The following UBE3C variants were observed in gnomAD, a reference collection of about 807,000 sequenced individuals.
UBE3C encodes the protein ubiquitin protein ligase E3C, also known as ubiquitin-protein ligase E3C.
In UBE3C, 42 loss-of-function variants were observed where a neutral mutation model predicts 129.4. That is an observed-to-expected ratio of 0.32 (90% CI 0.25 to 0.42). The LOEUF is 0.42. UBE3C is among the 10% of genes least tolerant of loss of function. The probability of loss-of-function intolerance (pLI) is 1.00; values close to 1 mark genes in which losing one functional copy is unlikely to be tolerated. For synonymous variants in UBE3C, 510 were observed against 492.4 expected, an observed-to-expected ratio of 1.04 and a Z score of -0.47; for missense variants, 1,049 against 1,319.1, an observed-to-expected ratio of 0.80 and a Z score of 3.17.
At chr7:157,244,278 A>T (rs1377932316) in intron 18 of UBE3C, among the ~76,000 whole-genome samples, 1 of 152,122 alleles carries the variant, frequency 6.6e-6, no homozygotes, top group African/African-American at 2.4e-5. Flanking sequence ...GCCCCCTAGG[A>T]GTTTAGAGTT....
At chr7:157,147,603 G>A (rs749487911) in intron 1 of UBE3C, among the ~76,000 whole-genome samples, 1 of 152,138 alleles carries the variant, frequency 6.6e-6, no homozygotes, top group Non-Finnish European at 1.5e-5. Flanking sequence ...AAAAGGAGTG[G>A]TGAGAACTTG....
Position 157,169,036 on chromosome 7 carries a change from TTTA to T in UBE3C, c.121-9_121-7del. The T allele has an allele frequency of 6.2e-7, 1 of 1,611,852 alleles. No individual in the cohort carries two copies. Among genetic ancestry groups the T allele is most frequent in the Non-Finnish European group, 8.5e-7 (1 of 1,178,166 alleles). On this transcript the variant is annotated splice_polypyrimidine_tract_variant and intron_variant, in intron 2 of 22. Coordinates refer to ENST00000348165, the MANE Select transcript of UBE3C (RefSeq NM_014671.3). The stretch of plus-strand genomic sequence containing the variant: ...GACCAATTGCTCCCTCACTCCTCCT[TTTA>T]TTGTTTAGGAAGAAAGGCGAAGGTT...
At chr7:157,240,377 A>G (rs558711426) in intron 18 of UBE3C, among the ~76,000 whole-genome samples, 5 of 152,318 alleles carry the variant, frequency 3.3e-5, no homozygotes, top group East Asian at 3.9e-4. Flanking sequence ...ATAGGCTTCA[A>G]TTAATAAGTG....
chr7:157,187,610 C>T (rs1376800253), intron 10 of UBE3C, among the ~76,000 whole-genome samples: 1 of 150,414 alleles, frequency 6.6e-6, no homozygotes, highest in Admixed American at 6.6e-5. Flanking sequence ...TGGAGTCTTG[C>T]TGTTGCCCAG....
intron 12 of UBE3C, 54 bp downstream of exon 12, chr7:157,207,609 A>G: frequency 6.3e-7 from 1 of 1,593,318 alleles, no homozygotes; most frequent in Non-Finnish European, 8.5e-7. Context: ...ATCAGTTTTC[A>G]TAGACAGTAG....
At chr7:157,232,287 G>A (rs1796041615) in intron 18 of UBE3C, among the ~76,000 whole-genome samples, 1 of 152,096 alleles carries the variant, frequency 6.6e-6, no homozygotes, top group Non-Finnish European at 1.5e-5. Context: ...TTTGTCTTTT[G>A]GGGGGACACA....
intron 1 of UBE3C, among the ~76,000 whole-genome samples, chr7:157,161,891 G>A (rs1236720798): frequency 3.3e-5 from 5 of 151,830 alleles, no homozygotes; most frequent in African/African-American, 1.2e-4. Context: ...GGCCAATGTG[G>A]CGAAAACCCG....
chr7:157,223,217 A>G (rs1194756687), intron 15 of UBE3C, 37 bp from the exon 16 acceptor site: 1 of 1,596,142 alleles, frequency 6.3e-7, no homozygotes, highest in South Asian at 1.1e-5. Flanking sequence ...AGGGGAAAGT[A>G]CAAGTGAACT....
chr7:157,266,916 ATT>A (rs1202096466), intron 22 of UBE3C, among the ~76,000 whole-genome samples: 2 of 151,968 alleles, frequency 1.3e-5, no homozygotes, highest in African/African-American at 4.8e-5. Context: ...TTTGATTTTT[ATT>A]TTTAGTGGAA....
intron 18 of UBE3C, among the ~76,000 whole-genome samples, chr7:157,235,860 G>C (rs1168929819): frequency 6.6e-6 from 1 of 152,170 alleles, no homozygotes; most frequent in Non-Finnish European, 1.5e-5. Context: ...TAAACTTTGT[G>C]CTAATGTGCT....
chr7:157,162,112 A>T (rs1457566375), intron 1 of UBE3C, among the ~76,000 whole-genome samples: 1 of 152,134 alleles, frequency 6.6e-6, no homozygotes, highest in Non-Finnish European at 1.5e-5. Flanking sequence ...GAATATTGTT[A>T]GTTCATGTAT....
chr7:157,255,628 T>C (rs1182378), intron 21 of UBE3C, among the ~76,000 whole-genome samples: 75,970 of 152,142 alleles, frequency 0.5, 22,086 homozygotes, highest in Non-Finnish European at 0.64. Flanking sequence ...CTTGCACCTT[T>C]AATAATCTCA....
intron 19 of UBE3C, among the ~76,000 whole-genome samples, chr7:157,249,223 G>C (rs1000389382): frequency 1.3e-5 from 2 of 151,936 alleles, no homozygotes; most frequent in Non-Finnish European, 2.9e-5. Context: ...CAGAGCAACC[G>C]TGCACCCATT....
intron 4 of UBE3C, among the ~76,000 whole-genome samples, chr7:157,174,659 G>A (rs1419474239): frequency 6.6e-6 from 1 of 152,010 alleles, no homozygotes; most frequent in Non-Finnish European, 1.5e-5. Flanking sequence ...TCACCATGTT[G>A]GCCAGGCTGG....
At chr7:157,163,980 T>C (rs1808145386) in intron 2 of UBE3C, 117 bp downstream of exon 2, 4 of 884,976 alleles carry the variant, frequency 4.5e-6, no homozygotes, top group East Asian at 2.6e-5. Flanking sequence ...TGACAGAATG[T>C]GTGTGTATGT....
intron 1 of UBE3C, among the ~76,000 whole-genome samples, chr7:157,149,349 C>T (rs1781866148): frequency 6.6e-6 from 1 of 152,208 alleles, no homozygotes; most frequent in African/African-American, 2.4e-5. Context: ...AGCCACTATG[C>T]CTGGCCAGGA....
intron 22 of UBE3C, among the ~76,000 whole-genome samples, chr7:157,257,800 A>G (rs916794969): frequency 1.3e-5 from 2 of 150,626 alleles, no homozygotes; most frequent in South Asian, 2.1e-4. Context: ...TCCTGTATTC[A>G]CTGTAAATTA....
intron 2 of UBE3C, among the ~76,000 whole-genome samples, chr7:157,166,856 A>G (rs995215897): frequency 2.0e-5 from 3 of 150,674 alleles, no homozygotes; most frequent in Non-Finnish European, 4.4e-5. Context: ...TTGTTTTTTC[A>G]TGTTTCCAGC....
chr7:157,198,399 G>T (rs532552429), intron 10 of UBE3C: 27 of 688,508 alleles, frequency 3.9e-5, no homozygotes, highest in Non-Finnish European at 5.8e-5. Flanking sequence ...CTGTTTTCAA[G>T]TTTCTTTGCA....
Sources: gnomAD v4.1 joint callset for allele counts (sites outside exome capture counted in the v4.1 genomes callset) on GRCh38, gnomAD v4.1.1 for gene constraint, MANE v1.5 for transcripts, NCBI Gene and HGNC (gene_info 2026-07-23, HGNC 2026-07-21) for gene names.